PHACTR1: variants seen among roughly 807,000 people sequenced by gnomAD.
The protein encoded by PHACTR1 is RPEL repeat containing 1.
A neutral mutation model predicts 69.2 loss-of-function variants in PHACTR1; 16 were observed. The observed-to-expected ratio is 0.23, with a 90% confidence interval of 0.16 to 0.35. The LOEUF is 0.35. Ranked by LOEUF, PHACTR1 falls within the 10% of genes least tolerant of loss-of-function variation. The pLI, the probability that PHACTR1 is intolerant of heterozygous loss-of-function variation, is 1.00. For missense variants in PHACTR1, 510 were observed against 734.7 expected, an observed-to-expected ratio of 0.69 and a Z score of 3.54; for synonymous variants, 312 against 284.5, an observed-to-expected ratio of 1.10 and a Z score of -0.97.
chr6:13,281,536 AAC>A (rs1562121165), intron 12 of PHACTR1: 1 of 221,772 alleles, frequency 4.5e-6, no homozygotes, highest in Non-Finnish European at 9.8e-6. Context: ...CAGCCTGGGC[AAC>A]AGAGTGAGAC....
chr6:13,166,635 T>C (rs141705074), intron 6 of PHACTR1, among the ~76,000 whole-genome samples: 145 of 151,526 alleles, frequency 9.6e-4, no homozygotes, highest in African/African-American at 3.2e-3. Flanking sequence ...AAATAGGTAA[T>C]ATTATATTAT....
chr6:12,944,154 T>C (rs1431767087), intron 4 of PHACTR1, among the ~76,000 whole-genome samples: 1 of 152,150 alleles, frequency 6.6e-6, no homozygotes, highest in Admixed American at 6.5e-5. Context: ...ACAGCAGCCA[T>C]GGAAGGAAAG....
chr6:13,093,156 C>G (rs1813561282), intron 5 of PHACTR1, among the ~76,000 whole-genome samples: 1 of 152,140 alleles, frequency 6.6e-6, no homozygotes, highest in Non-Finnish European at 1.5e-5. Flanking sequence ...TATTTAGAAA[C>G]AGGTATTACA....
At chr6:13,022,674 A>G (rs1025475419) in intron 4 of PHACTR1, among the ~76,000 whole-genome samples, 18 of 151,874 alleles carry the variant, frequency 1.2e-4, no homozygotes, top group Non-Finnish European at 2.6e-4. Flanking sequence ...CTTAAAAAAA[A>G]AAAAAAACTT....
intron 4 of PHACTR1, among the ~76,000 whole-genome samples, chr6:12,876,967 G>A (rs1782581198): frequency 6.6e-6 from 1 of 152,156 alleles, no homozygotes; most frequent in Admixed American, 6.5e-5. Context: ...AGTTGTGCAG[G>A]AAATAAAGAG....
chr6:13,134,192 T>C (rs1477888768), intron 5 of PHACTR1, among the ~76,000 whole-genome samples: 2 of 147,106 alleles, frequency 1.4e-5, no homozygotes, highest in African/African-American at 2.6e-5. Flanking sequence ...AGCCACCCCG[T>C]CCCGGAGGGA....
chr6:12,728,015 GA>G (rs147996449), intron 3 of PHACTR1, among the ~76,000 whole-genome samples: 5 of 151,760 alleles, frequency 3.3e-5, no homozygotes, highest in Non-Finnish European at 7.4e-5. Flanking sequence ...GCCAAAAGGG[GA>G]AAAAAAATGA....
At position 13,182,608 on chromosome 6, in the gene PHACTR1, G is replaced by A. The variant is rs765179968; in HGVS notation, c.586G>A (p.Glu196Lys). 55 of 1,612,116 alleles carry A rather than the reference G, an allele frequency of 3.4e-5. No individual in the cohort carries two copies. Among genetic ancestry groups the A allele is most frequent in the South Asian group, 1.3e-4 (12 of 90,840 alleles). Residue 196 changes from glutamate (E) to lysine (K), a missense_variant, in exon 7 of 15, where the codon GAA becomes AAA. Coordinates refer to ENST00000332995, the MANE Select transcript of PHACTR1 (RefSeq NM_030948.6). ...CCAGCTGTCTCTGCCTGCCCTGTCC[G>A]AAATGGAGCCAGTCCCAATGCCCAG... is the stretch of plus-strand genomic sequence containing the variant. ...SSQLSLPALS[E>K]MEPVPMPRDP... is the part of the protein sequence containing the mutation.
Position 13,070,722 on chromosome 6 carries a change from G to A in PHACTR1, c.415+17193G>A, listed in dbSNP as rs144217929. Among the ~76,000 whole-genome samples, 317 of 152,166 alleles carry A rather than the reference G, an allele frequency of 2.1e-3. 2 individuals carry two copies. The highest frequency in any genetic ancestry group is 7.5e-3 in the African/African-American group (311 of 41,512). On this transcript the variant is annotated intron_variant, in intron 5 of 14. Transcript: ENST00000332995. The stretch of plus-strand genomic sequence containing the variant: ...TCTCATTAAGACAACAGAAACGATT[G>A]GAAATAGGACTTGGTGATTTTGGTC...
intron 4 of PHACTR1, among the ~76,000 whole-genome samples, chr6:13,022,495 C>T (rs1311331460): frequency 6.6e-6 from 1 of 152,074 alleles, no homozygotes; most frequent in Non-Finnish European, 1.5e-5. Flanking sequence ...GATACTTATA[C>T]GAAATTCAGA....
chr6:13,041,860 G>T (rs1804231409), intron 4 of PHACTR1, among the ~76,000 whole-genome samples: 1 of 152,162 alleles, frequency 6.6e-6, no homozygotes. Flanking sequence ...CTGGACCACG[G>T]CAACTTTGTG....
chr6:13,018,435 A>G (rs1232135776), intron 4 of PHACTR1, among the ~76,000 whole-genome samples: 4 of 152,132 alleles, frequency 2.6e-5, no homozygotes, highest in Admixed American at 6.5e-5. Flanking sequence ...TGGGGATTCA[A>G]TGAGATATTT....
intron 4 of PHACTR1, among the ~76,000 whole-genome samples, chr6:12,907,399 A>G (rs1785862397): frequency 6.6e-6 from 1 of 152,230 alleles, no homozygotes. Flanking sequence ...TCCACTATAT[A>G]AGACTTCTAT....
intron 8 of PHACTR1, among the ~76,000 whole-genome samples, chr6:13,214,719 C>G (rs974274345): frequency 2.6e-5 from 4 of 152,066 alleles, no homozygotes; most frequent in African/African-American, 7.2e-5. Context: ...TGTTGGTAGA[C>G]CAGGTGAGTT....
At chr6:13,086,083 T>TAAAAAAAAAAAAAAA (rs776154642) in intron 5 of PHACTR1, among the ~76,000 whole-genome samples, 10 of 60,262 alleles carry the variant, frequency 1.7e-4, no homozygotes, top group African/African-American at 6.7e-4. Context: ...TACACATTTC[T>TAAAAAAAAAAAAAAA]AAAAAAAAAA....
In PHACTR1 at chr6:13,283,299, A is replaced by T; in HGVS notation, c.1510-123A>T. ...CTCCCCCTGCCCCTGCCCCTCACTC[A>T]CTATGCGATGCATCCATCGCCTCAC... On this transcript the variant is annotated intron_variant, in intron 12 of 14. Transcript: ENST00000332995. This position sits in a 1 kb window ranked among gnomAD's most constrained non-coding sequence, Gnocchi z 4.7. The T allele has an allele frequency of 1.1e-6, 1 of 937,354 alleles. No homozygotes were observed. Among genetic ancestry groups the T allele is most frequent in the Non-Finnish European group, 1.5e-6 (1 of 664,198 alleles). The allele number at this position is 937,354 out of a possible 1,614,324, so 58.1% of individuals were successfully genotyped here.
rs1562037449 is a variant in PHACTR1 at position 13,231,105 on chromosome 6, G to GGAAGGGA, written c.1391+912_1391+913insGAAGGGA. The stretch of plus-strand genomic sequence containing the variant: ...GAAGGAAGAAGGAAGGAAGGGAAAA[G>GGAAGGGA]AAAGAAGGAAAGAGAGAAAGAAAGA... On this transcript the variant is annotated intron_variant, in intron 10 of 14. Transcript: ENST00000332995. Among the ~76,000 whole-genome samples, 24 of 99,300 alleles carry GGAAGGGA rather than the reference G, an allele frequency of 2.4e-4. 2 individuals are homozygous for GGAAGGGA. The highest frequency in any genetic ancestry group is 6.4e-4 in the African/African-American group (13 of 20,462). The allele number at this position is 99,300 out of a possible 152,430, so 65.1% of individuals were successfully genotyped here.
intron 4 of PHACTR1, among the ~76,000 whole-genome samples, chr6:12,769,569 T>C (rs1057117443): frequency 2.0e-5 from 3 of 152,188 alleles, no homozygotes; most frequent in African/African-American, 4.8e-5. Flanking sequence ...AATATTGTAA[T>C]AGCATCTATT....
At position 12,899,117 on chromosome 6, in the gene PHACTR1, A is replaced by G. The variant is rs148112206; in HGVS notation, c.250+149327A>G. On this transcript the variant is annotated intron_variant, in intron 4 of 14. Transcript: ENST00000332995. ...GAGCACCTGTGCGTGCTTCCCTCAC[A>G]TCACTTCTTACATTGGACTGAAATT... is the stretch of plus-strand genomic sequence containing the variant. 2.3e-3 allele frequency among the ~76,000 whole-genome samples: 344 copies of G among 152,234 alleles called. 1 individual carries two copies. Among genetic ancestry groups the G allele is most frequent in the African/African-American group, 7.9e-3 (329 of 41,546 alleles).
Sources: gnomAD v4.1 joint callset for allele counts (sites outside exome capture counted in the v4.1 genomes callset) on GRCh38, gnomAD v4.1.1 for gene constraint, Gnocchi (gnomAD v3.1) non-coding constraint, MANE v1.5 for transcripts, NCBI Gene and HGNC (gene_info 2026-07-23, HGNC 2026-07-21) for gene names.